Variants in FBP2 observed in about 807,000 individuals in gnomAD.
FBP2 encodes fructose-bisphosphatase 2.
A neutral mutation model predicts 31.6 loss-of-function variants in FBP2; 27 were observed. That is an observed-to-expected ratio of 0.85 (90% CI 0.63 to 1.18). The LOEUF (loss-of-function observed/expected upper bound fraction) is 1.18, where lower values mean the gene tolerates loss of function less well. Among genes scored for constraint, FBP2 ranks in the 50% most tolerant of loss-of-function variants. The pLI is 0.00. For synonymous variants in FBP2, 168 were observed against 179.8 expected, an observed-to-expected ratio of 0.93 and a Z score of 0.53; for missense variants, 421 against 436.1, an observed-to-expected ratio of 0.97 and a Z score of 0.31.
chr9:94,566,352 G>A (rs965252742), intron 5 of FBP2, among the ~76,000 whole-genome samples: 7 of 152,232 alleles, frequency 4.6e-5, no homozygotes, highest in African/African-American at 7.2e-5. Context: ...CGCCCAGGGT[G>A]GAAAACCGCT....
At chr9:94,590,443 C>A (rs550227274) in intron 1 of FBP2, among the ~76,000 whole-genome samples, 5 of 66,820 alleles carry the variant, frequency 7.5e-5, no homozygotes, top group Non-Finnish European at 1.1e-4. Flanking sequence ...CAGGGGCTTG[C>A]GGTCCCCTGC....
At chr9:94,589,933 C>T (rs2131461587) in intron 1 of FBP2, among the ~76,000 whole-genome samples, 1 of 152,304 alleles carries the variant, frequency 6.6e-6, no homozygotes, top group African/African-American at 2.4e-5. Context: ...AAACACAGGC[C>T]TTGGTTCGAT....
chr9:94,587,805 A>T (rs1464201276), intron 1 of FBP2, among the ~76,000 whole-genome samples: 2 of 152,158 alleles, frequency 1.3e-5, no homozygotes, highest in African/African-American at 2.4e-5. Flanking sequence ...GAGGACTCCA[A>T]AAGTAAAGGA....
Position 94,574,448 on chromosome 9 carries a change from T to C in FBP2, c.427-2846A>G, listed in dbSNP as rs555074290. Among the ~76,000 whole-genome samples the C allele has an allele frequency of 2.0e-4, 31 of 152,286 alleles. No individual in the cohort carries two copies. In the South Asian group the frequency reaches 6.4e-3, roughly 32 times the overall value. ...TTTTATATGTTTATTTTGACCATTT[T>C]TATTTTGTAAGTTGTCTCTTTCATG... On this transcript the variant is annotated intron_variant, in intron 3 of 6. Transcript: ENST00000375337.
intron 3 of FBP2, among the ~76,000 whole-genome samples, chr9:94,579,641 T>G (rs1386337159): frequency 6.6e-6 from 1 of 152,176 alleles, no homozygotes; most frequent in African/African-American, 2.4e-5. Context: ...TTGTCTGTCT[T>G]AAGGTATTTA....
intron 1 of FBP2, 108 bp from the exon 2 acceptor site, chr9:94,587,577 T>A: frequency 1.1e-6 from 1 of 950,422 alleles, no homozygotes; most frequent in Non-Finnish European, 1.6e-6. Context: ...GTTCTGTGTC[T>A]CTGGAGTCTC....
chr9:94,569,247 A>C (rs1827238129), intron 4 of FBP2: 1 of 152,332 alleles, frequency 6.6e-6, no homozygotes, highest in African/African-American at 2.4e-5. Context: ...GAGGCGCAGC[A>C]CTGGGGGTGG....
At chr9:94,567,503 T>TGCTGGCAGAGCTGGGGCTTG in intron 4 of FBP2, 96 bp from the exon 5 acceptor site, 1 of 1,458,790 alleles carries the variant, frequency 6.9e-7, no homozygotes. Context: ...GATGGGGGCC[T>TGCTGGCAGAGCTGGGGCTTG]GCTGGCAGAG....
chr9:94,574,146 A>G (rs1419018996), intron 3 of FBP2, among the ~76,000 whole-genome samples: 1 of 152,214 alleles, frequency 6.6e-6, no homozygotes, highest in Non-Finnish European at 1.5e-5. Context: ...GAGATTAACA[A>G]TCTACTGCAT....
At position 94,593,679 on chromosome 9, in the gene FBP2, G is replaced by A; in HGVS notation, c.48C>T (p.Arg16=). ...PFETDMLTLT[R]YVMEKGRQAK... ...CCTGACGCCCCTTTTCCATAACGTA[G>A]CGGGTCAGGGTGAGCATGTCGGTTT... The change falls in exon 1 of 7, where the codon CGC becomes CGT. Residue 16 remains arginine, a synonymous_variant. Coordinates refer to ENST00000375337, the MANE Select transcript of FBP2 (RefSeq NM_003837.4). 1 of 1,614,234 alleles carries A rather than the reference G, an allele frequency of 6.2e-7. No homozygotes were observed. Among genetic ancestry groups the A allele is most frequent in the Non-Finnish European group, 8.5e-7 (1 of 1,180,036 alleles).
intron 3 of FBP2, among the ~76,000 whole-genome samples, chr9:94,582,353 T>C (rs113090863): frequency 0.035 from 96 of 2,772 alleles, no homozygotes; most frequent in Middle Eastern, 0.17. Context: ...TGTGTGTGCG[T>C]GTGTGTGTGT....
At chr9:94,589,617 GA>G (rs989690535) in intron 1 of FBP2, among the ~76,000 whole-genome samples, 2 of 152,196 alleles carry the variant, frequency 1.3e-5, no homozygotes, top group African/African-American at 4.8e-5. Flanking sequence ...TTTATTTGTT[GA>G]AGGAAATCTC....
chr9:94,592,008 G>A (rs1564188961), intron 1 of FBP2, among the ~76,000 whole-genome samples: 1 of 152,140 alleles, frequency 6.6e-6, no homozygotes, highest in Admixed American at 6.5e-5. Context: ...TGCACAGAGG[G>A]GGAGCCCAAT....
At chr9:94,590,102 T>C (rs1460700871) in intron 1 of FBP2, among the ~76,000 whole-genome samples, 1 of 151,472 alleles carries the variant, frequency 6.6e-6, no homozygotes, top group Non-Finnish European at 1.5e-5. Context: ...CTCCAGGCAC[T>C]GGGCAGCACC....
At chr9:94,568,470 C>T (rs1200677010) in intron 4 of FBP2, 1 of 152,128 alleles carries the variant, frequency 6.6e-6, no homozygotes, top group Non-Finnish European at 1.5e-5. Context: ...TCATGTCTGT[C>T]TCAGTCACTA....
chr9:94,578,938 A>G (rs1205520761), intron 3 of FBP2, among the ~76,000 whole-genome samples: 2 of 149,790 alleles, frequency 1.3e-5, no homozygotes, highest in Admixed American at 1.3e-4. Flanking sequence ...CTGTAGTCCC[A>G]GCTACTCAGG....
intron 3 of FBP2, chr9:94,577,832 T>C (rs1006887217): frequency 2.0e-5 from 3 of 151,884 alleles, no homozygotes; most frequent in Admixed American, 6.5e-5. Context: ...ATTAGAGTTC[T>C]CAGATAAAAG....
In FBP2 at chr9:94,558,845, T is replaced by C. The variant is rs1048510; in HGVS notation, c.*93A>G. On this transcript the variant is annotated 3_prime_UTR_variant, in exon 7 of 7. Transcript: ENST00000375337. The stretch of plus-strand genomic sequence containing the variant: ...TGTGATTAAGTGGATTTACCTTTTG[T>C]ATACTCATAGCTACCATCTCTGTTT... The C allele has an allele frequency of 0.48, 582,341 of 1,204,990 alleles. 145,393 individuals carry two copies. The highest frequency in any genetic ancestry group is 0.57 in the Admixed American group (28,878 of 50,340). 74.6% of individuals were successfully genotyped at this position (1,204,990 alleles called of 1,614,324 possible). A position where few individuals can be genotyped will look rare whatever the true frequency, so the allele number is the denominator to read the frequency against.
At position 94,571,611 on chromosome 9, in the gene FBP2, G is replaced by A. The variant is rs1317707557; in HGVS notation, c.427-9C>T. ...GGCTCATCCTCTGAGGTCTGTGGAA[G>A]AGAGGGATAAATGCCATGTGTTATT... is the stretch of plus-strand genomic sequence containing the variant. On this transcript the variant is annotated splice_polypyrimidine_tract_variant and intron_variant, in intron 3 of 6. Coordinates refer to ENST00000375337, the MANE Select transcript of FBP2 (RefSeq NM_003837.4). 2.5e-6 allele frequency: 4 copies of A among 1,608,746 alleles called. No individual in the cohort carries two copies. The South Asian group carries it at 4.5e-5, about 18-fold the overall frequency.
Sources: allele counts gnomAD v4.1 joint callset (sites outside exome capture counted in the v4.1 genomes callset), GRCh38; gene constraint gnomAD v4.1.1; transcripts MANE v1.5; gene names NCBI Gene and HGNC (gene_info 2026-07-23, HGNC 2026-07-21).